Variants in PRSS55 observed in about 807,000 individuals in gnomAD.
The protein encoded by PRSS55 is probable serine protease UNQ9391/PRO34284.
PRSS55 carries 41 observed loss-of-function variants against 23.6 expected under a neutral mutation model. The observed-to-expected ratio is 1.74, with a 90% CI of 1.35 to 2.26. The LOEUF is 2.26. Ranked by LOEUF, PRSS55 falls within the 30% of genes most tolerant of loss-of-function variation. PRSS55 has a pLI of 0.00. For synonymous variants in PRSS55, 262 were observed against 175.5 expected (o/e 1.49, Z -3.90); for missense variants, 669 against 439.1 (o/e 1.52, Z -4.68).
chr8:10,531,664 G>A (rs969318258), intron 3 of PRSS55, 119 bp downstream of exon 3: 2 of 1,405,470 alleles, frequency 1.4e-6, no homozygotes, highest in African/African-American at 2.9e-5. Flanking sequence ...GCTCAGTGGA[G>A]TCTCACAGTG....
intron 4 of PRSS55, among the ~76,000 whole-genome samples, chr8:10,533,582 C>T (rs568941861): frequency 2.6e-5 from 4 of 152,144 alleles, no homozygotes; most frequent in East Asian, 1.9e-4. Flanking sequence ...AATGAATACA[C>T]GTTCTTTCTA....
chr8:10,531,324 C>T lies in PRSS55; in HGVS notation c.377C>T (p.Thr126Ile). 1 of 1,614,100 alleles carries T rather than the reference C, an allele frequency of 6.2e-7. No individual in the cohort carries two copies. The highest frequency in any genetic ancestry group is 8.5e-7 in the Non-Finnish European group (1 of 1,180,036). ...FPEELSVVLG[T>I]NDLTSPSMEI... is the part of the protein sequence containing the mutation. ...GAAGAACTGAGTGTCGTGCTGGGGA[C>T]CAACGACTTAACTAGCCCATCCATG... Residue 126 changes from threonine (T) to isoleucine (I), a missense_variant, in exon 3 of 5, where the codon ACC becomes ATC. Physicochemically the swap from Thr to Ile is moderately conservative, Grantham distance 89 (BLOSUM62 -1). Coordinates refer to ENST00000328655, the MANE Select transcript of PRSS55 (RefSeq NM_198464.4).
chr8:10,536,746 A>C (rs1021988831), intron 4 of PRSS55, among the ~76,000 whole-genome samples: 3 of 152,218 alleles, frequency 2.0e-5, no homozygotes, highest in Admixed American at 6.5e-5. Flanking sequence ...CCATTATTCT[A>C]AGTGAATTAG....
chr8:10,529,792 T>TG lies in PRSS55; in HGVS notation c.347+94dup, dbSNP rs1812183799. ...CCACACCTGGTGGCTGAGAGGAACC[T>TG]GCGACTGCTCGGTATCCAGTCGGCA... On this transcript the variant is annotated intron_variant, in intron 2 of 4. Coordinates refer to ENST00000328655, the MANE Select transcript of PRSS55 (RefSeq NM_198464.4). 51 of 1,243,638 alleles carry TG rather than the reference T, an allele frequency of 4.1e-5. No individual in the cohort carries two copies. The South Asian group carries it at 6.6e-4, about 16-fold the overall frequency. 77.0% of individuals were successfully genotyped at this position (1,243,638 alleles called of 1,614,324 possible). A position where few individuals can be genotyped will look rare whatever the true frequency, so the allele number is the denominator to read the frequency against.
At chr8:10,548,768 C>T (rs1466107496) in intron 4 of PRSS55, among the ~76,000 whole-genome samples, 1 of 100,060 alleles carries the variant, frequency 1.0e-5, no homozygotes, top group Non-Finnish European at 2.5e-5. Context: ...ACAGGGCTCC[C>T]GTGCCCCCCT....
intron 4 of PRSS55, among the ~76,000 whole-genome samples, chr8:10,549,834 G>A (rs1201794713): frequency 1.3e-5 from 2 of 152,224 alleles, no homozygotes; most frequent in Non-Finnish European, 2.9e-5. Flanking sequence ...CAAGGTGGTG[G>A]TAAGGCCCTG....
At chr8:10,539,194 G>A (rs998890900), downstream of PRSS55, among the ~76,000 whole-genome samples, 1 of 152,202 alleles carries the variant, frequency 6.6e-6, no homozygotes, top group Non-Finnish European at 1.5e-5. Context: ...GCGGTGATGA[G>A]AACAAAGAAT....
intron 4 of PRSS55, among the ~76,000 whole-genome samples, chr8:10,551,719 G>T (rs1219812908): frequency 6.6e-6 from 1 of 152,232 alleles, no homozygotes; most frequent in Non-Finnish European, 1.5e-5. Context: ...GGCTCTGAGA[G>T]CACTTGGTGA....
chr8:10,554,073 G>T, exon 5 of PRSS55: 1 of 1,327,752 alleles, frequency 7.5e-7, no homozygotes. Flanking sequence ...TTTTGGGGCA[G>T]AAAACATACC....
At position 10,550,706 on chromosome 8, in the gene PRSS55, G is replaced by A. The variant is rs539661992; in HGVS notation, c.742-3237G>A. On this transcript the variant is annotated intron_variant, in intron 4 of 4. Transcript: ENST00000522210. ...TGATAACTGTGTTACCCTGCGATGT[G>A]TTACCTTGGTTTTTACTGTATCAGC... 3.9e-5 allele frequency among the ~76,000 whole-genome samples: 6 copies of A among 152,240 alleles called. No homozygotes were observed. The South Asian group carries it at 6.2e-4, about 16-fold the overall frequency.
intron 4 of PRSS55, among the ~76,000 whole-genome samples, chr8:10,536,777 T>C (rs960866189): frequency 6.6e-6 from 1 of 152,136 alleles, no homozygotes; most frequent in African/African-American, 2.4e-5. Context: ...GAAAACCAAA[T>C]ATCGCATGTT....
chr8:10,552,912 T>A (rs1454955113), intron 4 of PRSS55, among the ~76,000 whole-genome samples: 1 of 152,246 alleles, frequency 6.6e-6, no homozygotes, highest in South Asian at 2.1e-4. Flanking sequence ...CAATCCCACT[T>A]CGGGGTATCT....
intron 4 of PRSS55, among the ~76,000 whole-genome samples, chr8:10,551,073 C>A (rs1213502159): frequency 6.6e-6 from 1 of 152,208 alleles, no homozygotes; most frequent in South Asian, 2.1e-4. Flanking sequence ...CTCAGAAGGT[C>A]CTGCAAGTGA....
At chr8:10,537,081 A>T (rs1348068226) in intron 4 of PRSS55, among the ~76,000 whole-genome samples, 1 of 152,236 alleles carries the variant, frequency 6.6e-6, no homozygotes, top group Non-Finnish European at 1.5e-5. Context: ...GTACTAAAAA[A>T]ATTAAAAATA....
intron 4 of PRSS55, among the ~76,000 whole-genome samples, chr8:10,550,011 C>T (rs1248277067): frequency 6.6e-6 from 1 of 152,166 alleles, no homozygotes. Context: ...CCTCCGCCTC[C>T]CAGGTTCCAT....
chr8:10,533,003 T>C lies in PRSS55; in HGVS notation c.696T>C (p.Asn232=), dbSNP rs760255127. The change falls in exon 4 of 5, where the codon AAT becomes AAC. Residue 232 remains asparagine, a synonymous_variant. Transcript: ENST00000328655. ...CSKMFPKLTK[N]MLCAGYKNES... Reference sequence around the variant, plus strand: ...AGATGTTTCCAAAACTTACCAAAAATATGCTGTGTGCCGGATACAAGAATG... The same window carrying C: ...AGATGTTTCCAAAACTTACCAAAAACATGCTGTGTGCCGGATACAAGAATG... 9.9e-6 allele frequency: 16 copies of C among 1,614,186 alleles called. No homozygotes were observed. The highest frequency in any genetic ancestry group is 3.3e-5 in the South Asian group (3 of 91,084).
downstream of PRSS55, chr8:10,540,220 G>C (rs1486744176): frequency 6.6e-6 from 1 of 152,320 alleles, no homozygotes. Flanking sequence ...TTCACAAGAA[G>C]TCCCTCGAGA....
At position 10,538,680 on chromosome 8, in the gene PRSS55, A is replaced by G; in HGVS notation, c.946A>G (p.Lys316Glu). The G allele has an allele frequency of 6.2e-7, 1 of 1,614,204 alleles. No homozygotes were observed. The highest frequency in any genetic ancestry group is 8.5e-7 in the Non-Finnish European group (1 of 1,180,026). Residue 316 changes from lysine to glutamate, a missense_variant, in exon 5 of 5, where the codon AAA (lysine) becomes GAA (glutamate). Coordinates refer to ENST00000328655, the MANE Select transcript of PRSS55 (RefSeq NM_198464.4). ...TGCAGAGAAAAGGAGGACTTCTGTC[A>G]AACAGAAACCTATGGGCTCCCCAGT... ...FNAEKRRTSV[K>E]QKPMGSPVSG...
chr8:10,526,069 C>T (rs1277185064), intron 1 of PRSS55, among the ~76,000 whole-genome samples: 2 of 152,132 alleles, frequency 1.3e-5, no homozygotes, highest in Non-Finnish European at 2.9e-5. Context: ...ACCAGGCTTC[C>T]AGGAGCCACA....
Sources: allele counts gnomAD v4.1 joint callset (sites outside exome capture counted in the v4.1 genomes callset), GRCh38; gene constraint gnomAD v4.1.1; transcripts MANE v1.5; gene names NCBI Gene and HGNC (gene_info 2026-07-23, HGNC 2026-07-21).